DNAH11: variants seen among roughly 807,000 people sequenced by gnomAD.
The protein encoded by DNAH11 is axonemal beta dynein heavy chain 11.
DNAH11 carries 442 observed loss-of-function variants against 526.0 expected under a neutral mutation model. The observed-to-expected ratio is 0.84, with a 90% CI of 0.78 to 0.91. The LOEUF (loss-of-function observed/expected upper bound fraction) is 0.91. DNAH11 is among the 40% of genes least tolerant of loss of function. DNAH11 has a pLI of 0.00. For synonymous variants in DNAH11, 2,461 were observed against 1,935.9 expected (o/e 1.27, Z -7.12); for missense variants, 6,989 against 5,448.7 (o/e 1.28, Z -8.90).
At chr7:21,817,270 T>C (rs1789837456) in intron 64 of DNAH11, among the ~76,000 whole-genome samples, 1 of 152,156 alleles carries the variant, frequency 6.6e-6, no homozygotes, top group Non-Finnish European at 1.5e-5. Flanking sequence ...TTGTATGCAG[T>C]TGCTATTCAG....
At chr7:21,619,050 A>G (rs750331506) in intron 23 of DNAH11, 50 bp from the exon 24 acceptor site, 8 of 1,609,302 alleles carry the variant, frequency 5.0e-6, no homozygotes, top group East Asian at 2.2e-5. Flanking sequence ...GGCAAAAGGA[A>G]CCGTTCATAT....
At chr7:21,723,640 A>C (rs1394564410) in intron 44 of DNAH11, among the ~76,000 whole-genome samples, 1 of 152,130 alleles carries the variant, frequency 6.6e-6, no homozygotes, top group Non-Finnish European at 1.5e-5. Context: ...GTTGCCTTTA[A>C]GATTACATTT....
At chr7:21,650,024 T>A (rs970730620) in intron 28 of DNAH11, among the ~76,000 whole-genome samples, 1 of 152,156 alleles carries the variant, frequency 6.6e-6, no homozygotes, top group Non-Finnish European at 1.5e-5. Flanking sequence ...TGTTAAAATT[T>A]ATTAAGTTGT....
intron 2 of DNAH11, among the ~76,000 whole-genome samples, chr7:21,549,647 G>A (rs141275096): frequency 2.6e-5 from 4 of 152,230 alleles, no homozygotes; most frequent in African/African-American, 7.2e-5. Context: ...ATAGGATTGC[G>A]TTTTAAATTC....
chr7:21,778,932 C>T (rs754914657), intron 56 of DNAH11, 26 bp from the exon 57 acceptor site: 20 of 1,609,250 alleles, frequency 1.2e-5, no homozygotes, highest in Admixed American at 1.2e-4. Flanking sequence ...AGGCCAGTGA[C>T]GTAAGAATAA....
At chr7:21,650,919 C>T (rs527605674) in intron 28 of DNAH11, among the ~76,000 whole-genome samples, 8 of 149,594 alleles carry the variant, frequency 5.3e-5, no homozygotes, top group South Asian at 2.1e-4. Context: ...GGATTATAGG[C>T]GTAAGCCACC....
Position 21,901,772 on chromosome 7 carries a change from T to TTGATGGTCCC in DNAH11, c.*518_*519insTGATGGTCCC, listed in dbSNP as rs1374572921. 1.2e-5 allele frequency: 2 copies of TTGATGGTCCC among 160,260 alleles called. No individual in the cohort carries two copies. The highest frequency in any genetic ancestry group is 2.8e-5 in the Non-Finnish European group (2 of 72,456). 9.9% of individuals were successfully genotyped at this position (160,260 alleles called of 1,614,324 possible). On this transcript the variant is annotated 3_prime_UTR_variant, in exon 82 of 82. Coordinates refer to ENST00000409508, the MANE Select transcript of DNAH11 (RefSeq NM_001277115.2). ...TCTGTAAGGCCTCCAGTGTCCAGTG[T>TTGATGGTCCC]CTACAATGTTGATGGTCCCCTTTTG...
In DNAH11 at chr7:21,570,299, G is replaced by T; in HGVS notation, c.1425G>T (p.Glu475Asp). The T allele has an allele frequency of 6.3e-7, 1 of 1,585,400 alleles. No individual in the cohort carries two copies. The highest frequency in any genetic ancestry group is 8.6e-7 in the Non-Finnish European group (1 of 1,169,284). ...TTCTTGATCGTTTAATAAAAATAGA[G>T]GTATTCATTTTTTGATTTTATTTAT... The part of the protein sequence containing the change: ...DKFLDRLIKI[E>D]DIFATTLEFE... Residue 475 changes from glutamate (E) to aspartate (D), a missense_variant and splice_region_variant, in exon 7 of 82, where the codon GAG becomes GAT. Coordinates refer to ENST00000409508, the MANE Select transcript of DNAH11 (RefSeq NM_001277115.2).
intron 35 of DNAH11, among the ~76,000 whole-genome samples, chr7:21,692,004 C>T (rs1783651066): frequency 6.6e-6 from 1 of 152,192 alleles, no homozygotes; most frequent in South Asian, 2.1e-4. Flanking sequence ...ATGCACTTAG[C>T]AGGAGTCTGT....
intron 54 of DNAH11, among the ~76,000 whole-genome samples, chr7:21,753,390 G>C (rs994688204): frequency 6.6e-6 from 1 of 152,152 alleles, no homozygotes; most frequent in Non-Finnish European, 1.5e-5. Flanking sequence ...TTGCCTTTAT[G>C]AGTACAATTT....
chr7:21,828,560 CAGG>C (rs1228957588), intron 65 of DNAH11, among the ~76,000 whole-genome samples: 6 of 152,028 alleles, frequency 3.9e-5, no homozygotes, highest in Admixed American at 1.3e-4. Context: ...AAATACCAAA[CAGG>C]GCTTCAGATA....
chr7:21,701,472 C>T (rs1399143709), intron 36 of DNAH11, among the ~76,000 whole-genome samples: 1 of 151,892 alleles, frequency 6.6e-6, no homozygotes, highest in African/African-American at 2.4e-5. Flanking sequence ...GTATTTTTTG[C>T]AGGAGTGGGG....
At chr7:21,846,006 T>C (rs1782402866) in intron 66 of DNAH11, among the ~76,000 whole-genome samples, 1 of 152,200 alleles carries the variant, frequency 6.6e-6, no homozygotes, top group Non-Finnish European at 1.5e-5. Flanking sequence ...GTAAATGGCA[T>C]TGTGTTTTAA....
At chr7:21,791,662 T>C (rs1245006871) in intron 61 of DNAH11, among the ~76,000 whole-genome samples, 1 of 152,186 alleles carries the variant, frequency 6.6e-6, no homozygotes, top group Admixed American at 6.5e-5. Context: ...GAGTAGGTAT[T>C]TCTTTCCATC....
At chr7:21,709,428 G>A (rs1197719111) in intron 40 of DNAH11, among the ~76,000 whole-genome samples, 2 of 152,078 alleles carry the variant, frequency 1.3e-5, no homozygotes, top group Admixed American at 1.3e-4. Context: ...ATTAGAGGTG[G>A]GAGGGAAGGA....
chr7:21,867,049 A>G (rs1783308900), intron 71 of DNAH11, among the ~76,000 whole-genome samples: 2 of 152,218 alleles, frequency 1.3e-5, no homozygotes, highest in African/African-American at 2.4e-5. Flanking sequence ...TTGCATGTCA[A>G]ACAAAAATGC....
At chr7:21,739,448 A>G in intron 47 of DNAH11, 123 bp from the exon 48 acceptor site, 1 of 677,988 alleles carries the variant, frequency 1.5e-6, no homozygotes, top group Middle Eastern at 3.8e-4. Flanking sequence ...CACTAGGTCA[A>G]CCTCACAGAG....
chr7:21,749,944 T>A, intron 53 of DNAH11, 143 bp downstream of exon 53: 1 of 1,300,768 alleles, frequency 7.7e-7, no homozygotes, highest in Non-Finnish European at 1.1e-6. Flanking sequence ...CTAACTAATT[T>A]GAGGTGTATT....
chr7:21,656,045 G>T, intron 29 of DNAH11, 64 bp downstream of exon 29: 1 of 1,465,768 alleles, frequency 6.8e-7, no homozygotes, highest in Non-Finnish European at 9.0e-7. Context: ...TTAGAAGGTT[G>T]AGTTCAACAA....
Sources: gnomAD v4.1 joint callset for allele counts (sites outside exome capture counted in the v4.1 genomes callset) on GRCh38, gnomAD v4.1.1 for gene constraint, MANE v1.5 for transcripts, NCBI Gene and HGNC (gene_info 2026-07-23, HGNC 2026-07-21) for gene names.